Variants in DCDC1 observed in about 807,000 individuals in gnomAD.
DCDC1 encodes the protein doublecortin domain-containing protein 1.
In DCDC1, 200 loss-of-function variants were observed where a neutral mutation model predicts 178.3. The ratio of observed to expected loss-of-function variants is 1.12; its 90% CI spans 1.00 to 1.26. The LOEUF is 1.26. Ranked by LOEUF, DCDC1 falls within the 50% of genes most tolerant of loss-of-function variation. The probability of loss-of-function intolerance (pLI) is 0.00; values close to 1 mark genes in which losing one functional copy is unlikely to be tolerated. For synonymous variants in DCDC1, 690 were observed against 604.8 expected, an observed-to-expected ratio of 1.14 and a Z score of -2.07; for missense variants, 1,983 against 1,749.2, an observed-to-expected ratio of 1.13 and a Z score of -2.38.
At chr11:30,917,993 A>G (rs1329458005) in intron 25 of DCDC1, among the ~76,000 whole-genome samples, 1 of 152,110 alleles carries the variant, frequency 6.6e-6, no homozygotes, top group Non-Finnish European at 1.5e-5. Flanking sequence ...TGCCTCATTC[A>G]GAACTACAGG....
chr11:31,264,896 T>A (rs1014331167), intron 8 of DCDC1, among the ~76,000 whole-genome samples: 1 of 152,188 alleles, frequency 6.6e-6, no homozygotes. Context: ...GAACTCTGCA[T>A]TCAGTAGTAG....
chr11:31,359,413 A>T (rs1217902301), intron 1 of DCDC1, among the ~76,000 whole-genome samples: 1 of 130,066 alleles, frequency 7.7e-6, no homozygotes, highest in African/African-American at 2.9e-5. Flanking sequence ...GAAGGGGAAC[A>T]TCACCCTCTG....
At chr11:31,262,297 T>C (rs1449934498) in intron 8 of DCDC1, among the ~76,000 whole-genome samples, 1 of 152,052 alleles carries the variant, frequency 6.6e-6, no homozygotes, top group Non-Finnish European at 1.5e-5. Flanking sequence ...GTCTATGGCT[T>C]AGAATAAAAT....
chr11:31,049,474 A>T (rs1955093669), intron 20 of DCDC1, among the ~76,000 whole-genome samples: 1 of 152,192 alleles, frequency 6.6e-6, no homozygotes, highest in Non-Finnish European at 1.5e-5. Context: ...AGAATTAAAG[A>T]TGTTTGGGGG....
intron 35 of DCDC1, among the ~76,000 whole-genome samples, chr11:30,893,648 T>C (rs1195777135): frequency 6.6e-6 from 1 of 152,328 alleles, no homozygotes; most frequent in South Asian, 2.1e-4. Flanking sequence ...AAGATTTAGA[T>C]TGAAAACATT....
At chr11:31,157,027 TAA>T (rs1160138634) in intron 9 of DCDC1, among the ~76,000 whole-genome samples, 1 of 152,112 alleles carries the variant, frequency 6.6e-6, no homozygotes, top group African/African-American at 2.4e-5. Context: ...CTTATAAAAA[TAA>T]GTTTACCCAC....
At chr11:31,354,915 AT>A (rs987057915) in intron 1 of DCDC1, among the ~76,000 whole-genome samples, 9 of 150,428 alleles carry the variant, frequency 6.0e-5, no homozygotes, top group African/African-American at 2.0e-4. Flanking sequence ...GTATTTCCTT[AT>A]TTTTTTTCCC....
intron 26 of DCDC1, among the ~76,000 whole-genome samples, chr11:30,916,098 C>T (rs1369764397): frequency 6.6e-6 from 1 of 152,150 alleles, no homozygotes; most frequent in Non-Finnish European, 1.5e-5. Context: ...TCTATTCAAA[C>T]TATGATTGTT....
chr11:30,878,375 C>T (rs996684036), intron 38 of DCDC1, among the ~76,000 whole-genome samples, 169 bp downstream of exon 38: 17 of 151,858 alleles, frequency 1.1e-4, no homozygotes, highest in African/African-American at 3.9e-4. Flanking sequence ...ATCACGTGAG[C>T]CCCGGGAGGT....
intron 9 of DCDC1, among the ~76,000 whole-genome samples, chr11:31,203,516 C>A (rs1422478860): frequency 6.6e-6 from 1 of 152,122 alleles, no homozygotes; most frequent in Non-Finnish European, 1.5e-5. Context: ...TGAACTGATA[C>A]GGCATCATCT....
At chr11:30,972,881 G>A (rs927673059) in intron 20 of DCDC1, among the ~76,000 whole-genome samples, 4 of 152,076 alleles carry the variant, frequency 2.6e-5, no homozygotes, top group African/African-American at 9.7e-5. Flanking sequence ...CCTGGTGGGA[G>A]GTGACTGAAT....
intron 12 of DCDC1, among the ~76,000 whole-genome samples, chr11:31,109,144 G>C (rs998610397): frequency 7.4e-5 from 11 of 148,660 alleles, no homozygotes; most frequent in African/African-American, 2.5e-5. Context: ...TTTGAGACAG[G>C]GTCTCACTCT....
chr11:30,873,406 GAATTAAGTGTTAGA>G lies in DCDC1; in HGVS notation c.*40+5124_*40+5137del, dbSNP rs1454383027. Reference sequence around the variant, plus strand: ...AGAGAGAACAAACTGGTATATACATGAATTAAGTGTTAGAAAAACTAATTTTCTTTGTATTCTCT... The same window carrying G: ...AGAGAGAACAAACTGGTATATACATGAAAACTAATTTTCTTTGTATTCTCT... On this transcript the variant is annotated intron_variant, in intron 38 of 38. Coordinates refer to ENST00000684477, the MANE Select transcript of DCDC1 (RefSeq NM_001387274.1). Among the ~76,000 whole-genome samples, 14 of 148,518 alleles carry G rather than the reference GAATTAAGTGTTAGA, an allele frequency of 9.4e-5. No individual in the cohort carries two copies. The South Asian group carries it at 1.1e-3, about 11-fold the overall frequency.
At chr11:31,002,767 G>A (rs775427810) in intron 20 of DCDC1, among the ~76,000 whole-genome samples, 5 of 152,076 alleles carry the variant, frequency 3.3e-5, no homozygotes, top group Admixed American at 3.3e-4. Flanking sequence ...TTAGATTATA[G>A]TTGGGGAGCA....
chr11:30,990,369 C>T (rs972758084), intron 20 of DCDC1, among the ~76,000 whole-genome samples: 6 of 152,180 alleles, frequency 3.9e-5, no homozygotes, highest in Admixed American at 2.6e-4. Flanking sequence ...CATCTTGAGA[C>T]ATTTGTAGTG....
At chr11:31,235,922 C>T (rs960668532) in intron 9 of DCDC1, among the ~76,000 whole-genome samples, 1 of 151,822 alleles carries the variant, frequency 6.6e-6, no homozygotes, top group Admixed American at 6.6e-5. Flanking sequence ...AACTGAATTA[C>T]CATGTAAAAA....
At chr11:30,999,597 A>G (rs549224245) in intron 20 of DCDC1, among the ~76,000 whole-genome samples, 1 of 152,152 alleles carries the variant, frequency 6.6e-6, no homozygotes, top group Non-Finnish European at 1.5e-5. Context: ...CCTTTGGTCC[A>G]AATTCCAGCT....
intron 1 of DCDC1, among the ~76,000 whole-genome samples, chr11:31,350,716 G>C (rs1383443097): frequency 1.3e-5 from 2 of 152,042 alleles, no homozygotes; most frequent in Non-Finnish European, 2.9e-5. Context: ...GTCTTAACAG[G>C]TAATATGTGA....
At chr11:31,120,683 A>G (rs528514955) in intron 11 of DCDC1, among the ~76,000 whole-genome samples, 16 of 152,204 alleles carry the variant, frequency 1.1e-4, no homozygotes, top group African/African-American at 3.9e-4. Flanking sequence ...AAATTCACTA[A>G]TTCCAGTGAA....
Sources: allele counts gnomAD v4.1 joint callset (sites outside exome capture counted in the v4.1 genomes callset), GRCh38; gene constraint gnomAD v4.1.1; transcripts MANE v1.5; gene names NCBI Gene and HGNC (gene_info 2026-07-23, HGNC 2026-07-21).